Variants in PRKCA observed in about 807,000 individuals in gnomAD.
PRKCA encodes protein kinase C alpha type.
PRKCA carries 27 observed loss-of-function variants against 87.0 expected under a neutral mutation model. That is an observed-to-expected ratio of 0.31 (90% CI 0.23 to 0.43). The LOEUF is 0.43. Among genes scored for constraint, PRKCA ranks in the 20% least tolerant of loss-of-function variants. The pLI is 1.00. For synonymous variants in PRKCA, 329 were observed against 311.1 expected, an observed-to-expected ratio of 1.06 and a Z score of -0.61; for missense variants, 518 against 852.3, an observed-to-expected ratio of 0.61 and a Z score of 4.88.
chr17:66,654,974 A>C (rs980486025), intron 5 of PRKCA, among the ~76,000 whole-genome samples: 1 of 152,210 alleles, frequency 6.6e-6, no homozygotes, highest in African/African-American at 2.4e-5. Context: ...TAGTGGCCCC[A>C]GTTCTTCCCC....
chr17:66,659,621 G>A (rs2143890841), intron 5 of PRKCA, among the ~76,000 whole-genome samples: 1 of 152,238 alleles, frequency 6.6e-6, no homozygotes, highest in East Asian at 1.9e-4. Context: ...CACACATGCT[G>A]CACTTTGGTC....
intron 5 of PRKCA, among the ~76,000 whole-genome samples, chr17:66,673,061 C>T (rs1282032528): frequency 6.6e-6 from 1 of 152,108 alleles, no homozygotes; most frequent in African/African-American, 2.4e-5. Context: ...TATGCAGAAT[C>T]GTTTCAGTCT....
chr17:66,478,435 G>A (rs1915628286), intron 2 of PRKCA, among the ~76,000 whole-genome samples: 1 of 152,004 alleles, frequency 6.6e-6, no homozygotes, highest in Admixed American at 6.6e-5. Flanking sequence ...TGTATTTTTA[G>A]TAGAGACGGG....
In PRKCA at chr17:66,645,502, C is replaced by G; in HGVS notation, c.520C>G (p.His174Asp). The G allele has an allele frequency of 6.2e-7, 1 of 1,614,156 alleles. No individual in the cohort carries two copies. Among genetic ancestry groups the G allele is most frequent in the Non-Finnish European group, 8.5e-7 (1 of 1,180,006 alleles). ...LKAEVADEKLHVTVRDAKNLI... is the reference protein window; with the variant it reads ...LKAEVADEKLDVTVRDAKNLI... The stretch of plus-strand genomic sequence containing the variant: ...GGCTGAGGTTGCTGATGAAAAGCTC[C>G]ATGTCACAGGTAAGGCTTGCTCATC... Residue 174 changes from histidine (H) to aspartate (D), a missense_variant, in exon 5 of 17, where the codon CAT becomes GAT. Around this residue, in one of 5 missense-constraint regions of PRKCA, gnomAD observed 300 missense variants for 496.8 expected, o/e 0.60. Coordinates refer to ENST00000413366, the MANE Select transcript of PRKCA (RefSeq NM_002737.3).
intron 3 of PRKCA, among the ~76,000 whole-genome samples, chr17:66,616,118 G>T (rs1366148349): frequency 6.6e-6 from 1 of 152,082 alleles, no homozygotes; most frequent in Non-Finnish European, 1.5e-5. Context: ...CTTCCTAAGG[G>T]CCCAATCAGA....
chr17:66,360,178 C>T (rs546930404), intron 2 of PRKCA, among the ~76,000 whole-genome samples: 3 of 152,334 alleles, frequency 2.0e-5, no homozygotes, highest in East Asian at 1.9e-4. Context: ...AACTGTATTT[C>T]ACTTCTTTGC....
At chr17:66,387,617 G>A (rs1033713145) in intron 2 of PRKCA, among the ~76,000 whole-genome samples, 5 of 152,196 alleles carry the variant, frequency 3.3e-5, no homozygotes, top group African/African-American at 1.2e-4. Context: ...GCCGTAGGCT[G>A]GGCTGTCACT....
rs79135740 is a variant in PRKCA at position 66,499,850 on chromosome 17, G to C, written c.288+3567G>C. On this transcript the variant is annotated intron_variant, in intron 3 of 16. Transcript: ENST00000413366. ...GCCTGCCTGGTTCACAAAAGATCAT[G>C]CATTCACCCAAAAGATCATGCATTC... Among the ~76,000 whole-genome samples, 11 of 152,240 alleles carry C rather than the reference G, an allele frequency of 7.2e-5. No individual in the cohort carries two copies. The East Asian group carries it at 2.1e-3, about 29-fold the overall frequency.
chr17:66,616,267 G>T (rs1041266506), intron 3 of PRKCA, among the ~76,000 whole-genome samples: 3 of 152,134 alleles, frequency 2.0e-5, no homozygotes, highest in Non-Finnish European at 4.4e-5. Context: ...GGCTCTAGGG[G>T]TCCTTGTCCC....
chr17:66,306,402 G>T, intron 2 of PRKCA: 1 of 342,068 alleles, frequency 2.9e-6, no homozygotes, highest in Non-Finnish European at 5.2e-6. Context: ...CTGTCTTTGT[G>T]TGGGTGTTGA....
chr17:66,801,605 C>T (rs1167959187), intron 16 of PRKCA, among the ~76,000 whole-genome samples: 1 of 152,186 alleles, frequency 6.6e-6, no homozygotes, highest in Admixed American at 6.5e-5. Flanking sequence ...TTGCAAATGG[C>T]CTGTGCACAT....
intron 14 of PRKCA, among the ~76,000 whole-genome samples, chr17:66,785,263 A>T (rs1371754568): frequency 2.0e-5 from 3 of 151,984 alleles, no homozygotes; most frequent in Non-Finnish European, 4.4e-5. Context: ...GGTTGAGGGG[A>T]GGGACCTACT....
At chr17:66,619,682 A>G (rs1035289968) in intron 3 of PRKCA, among the ~76,000 whole-genome samples, 3 of 152,196 alleles carry the variant, frequency 2.0e-5, no homozygotes, top group African/African-American at 7.2e-5. Flanking sequence ...GAGCTCAACT[A>G]TGTGGAAACC....
At chr17:66,594,538 C>T (rs1245170765) in intron 3 of PRKCA, among the ~76,000 whole-genome samples, 1 of 152,156 alleles carries the variant, frequency 6.6e-6, no homozygotes, top group Admixed American at 6.5e-5. Flanking sequence ...AGGAAAGATA[C>T]ATTACTCAGC....
At chr17:66,486,219 A>G (rs7224958) in intron 2 of PRKCA, among the ~76,000 whole-genome samples, 46,330 of 151,838 alleles carry the variant, frequency 0.31, 7,196 homozygotes, top group Middle Eastern at 0.45. Context: ...TGTTGTTTAC[A>G]TAAAGCAGTT....
intron 3 of PRKCA, among the ~76,000 whole-genome samples, chr17:66,613,787 T>TTC (rs1970441587): frequency 7.9e-6 from 1 of 126,574 alleles, no homozygotes; most frequent in African/African-American, 3.2e-5. Context: ...TCCTTTTTTT[T>TTC]TTTTTTTTTT....
At chr17:66,403,386 C>T (rs1018810909) in intron 2 of PRKCA, among the ~76,000 whole-genome samples, 1 of 152,212 alleles carries the variant, frequency 6.6e-6, no homozygotes, top group Non-Finnish European at 1.5e-5. Flanking sequence ...CCTACATACA[C>T]AGCTCTGTAA....
intron 3 of PRKCA, among the ~76,000 whole-genome samples, chr17:66,556,384 A>G (rs1438067008): frequency 7.1e-6 from 1 of 141,670 alleles, no homozygotes; most frequent in Non-Finnish European, 1.5e-5. Flanking sequence ...GACAACAGCT[A>G]TGCAATTTCA....
chr17:66,326,380 G>A (rs994666772), intron 2 of PRKCA, among the ~76,000 whole-genome samples: 1 of 152,270 alleles, frequency 6.6e-6, no homozygotes. Context: ...AAATCTGTCT[G>A]TAAGAGCATG....
Sources: allele counts gnomAD v4.1 joint callset (sites outside exome capture counted in the v4.1 genomes callset), GRCh38; gene constraint gnomAD v4.1.1; regional missense constraint gnomAD v4.1.1; transcripts MANE v1.5; gene names NCBI Gene and HGNC (gene_info 2026-07-23, HGNC 2026-07-21).